The following DLG2 variants were observed in gnomAD, a reference collection of about 807,000 sequenced individuals.
DLG2 encodes the protein disks large homolog 2.
In DLG2, 45 loss-of-function variants were observed where a neutral mutation model predicts 132.5. The ratio of observed to expected loss-of-function variants is 0.34; its 90% CI spans 0.27 to 0.44. DLG2 has a LOEUF of 0.44. Ranked by LOEUF, DLG2 falls within the 20% of genes least tolerant of loss-of-function variation. The probability of loss-of-function intolerance (pLI) is 1.00; values close to 1 mark genes in which losing one functional copy is unlikely to be tolerated. For missense variants in DLG2, 1,045 were observed against 1,196.9 expected (o/e 0.87, Z 1.87); for synonymous variants, 424 against 419.6 (o/e 1.01, Z -0.13).
chr11:84,929,683 T>C (rs1439373438), intron 6 of DLG2, among the ~76,000 whole-genome samples: 4 of 152,144 alleles, frequency 2.6e-5, no homozygotes, highest in African/African-American at 7.2e-5. Context: ...AATTGCGTTA[T>C]TGAAAACTTC....
chr11:85,099,967 A>G (rs990034147), intron 6 of DLG2, among the ~76,000 whole-genome samples: 7 of 152,184 alleles, frequency 4.6e-5, no homozygotes, highest in Non-Finnish European at 8.8e-5. Flanking sequence ...CATATTTTCC[A>G]AAAATACTTT....
At chr11:85,024,371 G>A (rs755830531) in intron 6 of DLG2, among the ~76,000 whole-genome samples, 2 of 152,046 alleles carry the variant, frequency 1.3e-5, no homozygotes, top group African/African-American at 2.4e-5. Flanking sequence ...AAGGTAAACG[G>A]CACCAAAACT....
chr11:85,166,914 A>G (rs2078492219), intron 4 of DLG2, among the ~76,000 whole-genome samples: 1 of 152,170 alleles, frequency 6.6e-6, no homozygotes, highest in South Asian at 2.1e-4. Flanking sequence ...AAAGTTTCCT[A>G]TATAAAAGAA....
chr11:83,706,605 G>A (rs1324530626), intron 18 of DLG2, among the ~76,000 whole-genome samples: 2 of 152,172 alleles, frequency 1.3e-5, no homozygotes, highest in Admixed American at 6.5e-5. Context: ...AGGAAGCAGG[G>A]AAACCTTCTG....
chr11:84,366,200 A>G (rs2098681310), intron 7 of DLG2, among the ~76,000 whole-genome samples: 2 of 152,090 alleles, frequency 1.3e-5, no homozygotes, highest in African/African-American at 4.8e-5. Context: ...AGAATTTCAT[A>G]TCCAGCCAAA....
chr11:84,498,567 A>C lies in DLG2; in HGVS notation c.519+36003T>G, dbSNP rs548267111. Among the ~76,000 whole-genome samples, 139 of 152,314 alleles carry C rather than the reference A, an allele frequency of 9.1e-4. 1 individual carries two copies. The highest frequency in any genetic ancestry group is 3.2e-3 in the African/African-American group (133 of 41,568). On this transcript the variant is annotated intron_variant, in intron 7 of 27. Coordinates refer to ENST00000376104, the MANE Select transcript of DLG2 (RefSeq NM_001142699.3). ...TAAAACTACAACTCAAAACCAAAAA[A>C]TAAAAACAAAACAAAAACACTGGGT...
chr11:85,367,961 T>G (rs1189679972), intron 3 of DLG2, among the ~76,000 whole-genome samples: 1 of 152,204 alleles, frequency 6.6e-6, no homozygotes, highest in Non-Finnish European at 1.5e-5. Context: ...TAAATGAGAT[T>G]AATCTGTATT....
intron 6 of DLG2, among the ~76,000 whole-genome samples, chr11:84,559,419 A>C (rs1319590268): frequency 1.3e-5 from 2 of 152,172 alleles, no homozygotes; most frequent in African/African-American, 4.8e-5. Context: ...CTGATATAAT[A>C]AAGTAATTCA....
chr11:84,498,643 G>T lies in DLG2; in HGVS notation c.519+35927C>A, dbSNP rs189589437. On this transcript the variant is annotated intron_variant, in intron 7 of 27. Coordinates refer to ENST00000376104, the MANE Select transcript of DLG2 (RefSeq NM_001142699.3). ...GCAAAGCAGTAATCTTGTGCCAAAA[G>T]AAACCCTACTTTAAAAAAATGATAT... 5.9e-5 allele frequency among the ~76,000 whole-genome samples: 9 copies of T among 152,236 alleles called. No individual in the cohort carries two copies. In the East Asian group the frequency reaches 1.7e-3, roughly 29 times the overall value.
At chr11:83,710,329 A>G (rs2085115504) in intron 18 of DLG2, among the ~76,000 whole-genome samples, 1 of 151,936 alleles carries the variant, frequency 6.6e-6, no homozygotes, top group Admixed American at 6.6e-5. Context: ...TGCCTGATTA[A>G]TTTTTTATTT....
chr11:84,108,032 A>G (rs2093088795), intron 9 of DLG2, among the ~76,000 whole-genome samples: 1 of 152,156 alleles, frequency 6.6e-6, no homozygotes, highest in Admixed American at 6.6e-5. Flanking sequence ...GCTTGGGGAA[A>G]AAGATATGGT....
intron 6 of DLG2, among the ~76,000 whole-genome samples, chr11:85,001,217 TTGAG>T (rs2058178091): frequency 1.3e-5 from 2 of 151,778 alleles, no homozygotes; most frequent in Admixed American, 1.3e-4. Context: ...CCTCAGCCTC[TTGAG>T]TAACTGGGAC....
intron 5 of DLG2, among the ~76,000 whole-genome samples, chr11:85,152,692 G>A (rs759445888): frequency 1.3e-4 from 20 of 152,190 alleles, no homozygotes; most frequent in Non-Finnish European, 2.2e-4. Flanking sequence ...CATTCAAATA[G>A]TAAGTGTATA....
chr11:84,251,643 T>TC (rs1333336372), intron 7 of DLG2, among the ~76,000 whole-genome samples: 11 of 146,756 alleles, frequency 7.5e-5, no homozygotes, highest in South Asian at 6.6e-4. Context: ...TTTTCTTTCT[T>TC]TTTTTTTTTT....
At chr11:85,307,316 A>G (rs1565300480) in intron 3 of DLG2, among the ~76,000 whole-genome samples, 1 of 152,238 alleles carries the variant, frequency 6.6e-6, no homozygotes, top group Non-Finnish European at 1.5e-5. Flanking sequence ...GTAATAAAAG[A>G]AAGATTGTTA....
At chr11:84,798,755 T>C (rs1447800328) in intron 6 of DLG2, among the ~76,000 whole-genome samples, 6 of 152,214 alleles carry the variant, frequency 3.9e-5, no homozygotes, top group African/African-American at 1.4e-4. Context: ...CTGTTGGTTA[T>C]TCAGGGCCCA....
intron 7 of DLG2, among the ~76,000 whole-genome samples, chr11:84,527,888 T>TC: frequency 7.3e-6 from 1 of 137,356 alleles, no homozygotes; most frequent in African/African-American, 2.7e-5. Context: ...GTTAACTCCC[T>TC]CCCTTTCTCT....
intron 18 of DLG2, among the ~76,000 whole-genome samples, chr11:83,655,259 T>G (rs1361084112): frequency 1.3e-5 from 2 of 152,036 alleles, no homozygotes; most frequent in Non-Finnish European, 2.9e-5. Context: ...ATTGAATAAA[T>G]GAAGAAAAGA....
chr11:84,808,016 T>C (rs2076186124), intron 6 of DLG2, among the ~76,000 whole-genome samples: 1 of 152,028 alleles, frequency 6.6e-6, no homozygotes, highest in Non-Finnish European at 1.5e-5. Context: ...TTTATAGAAT[T>C]CTCCATAAAA....
Sources: gnomAD v4.1 joint callset for allele counts (sites outside exome capture counted in the v4.1 genomes callset) on GRCh38, gnomAD v4.1.1 for gene constraint, MANE v1.5 for transcripts, NCBI Gene and HGNC (gene_info 2026-07-23, HGNC 2026-07-21) for gene names.